NYAP2: variants seen among roughly 807,000 people sequenced by gnomAD.
NYAP2 encodes the protein neuronal tyrosine-phosphorylated phosphoinositide-3-kinase adaptor 2, also known as neuronal tyrosine-phosphorylated phosphoinositide-3-kinase adapter 2.
Under a neutral mutation model 50.4 loss-of-function variants are expected in NYAP2, and 23 were observed. The ratio of observed to expected loss-of-function variants is 0.46; its 90% CI spans 0.33 to 0.65. The LOEUF (loss-of-function observed/expected upper bound fraction) is 0.65. NYAP2 is among the 30% of genes least tolerant of loss of function. The pLI is 0.02. For synonymous variants in NYAP2, 394 were observed against 365.2 expected, an observed-to-expected ratio of 1.08 and a Z score of -0.90; for missense variants, 885 against 861.0, an observed-to-expected ratio of 1.03 and a Z score of -0.35.
chr2:225,698,589 G>C, the NYAP2 span: 1 of 152,198 alleles, frequency 6.6e-6, no homozygotes, highest in Non-Finnish European at 1.5e-5. Context: ...AATATGAAGA[G>C]GGAGGTCGAC....
chr2:225,519,325 G>C (rs1338755127), intron 4 of NYAP2, among the ~76,000 whole-genome samples: 2 of 151,358 alleles, frequency 1.3e-5, no homozygotes, highest in Non-Finnish European at 2.9e-5. Flanking sequence ...ACAATGTGCA[G>C]GTTAGTTACA....
chr2:225,491,710 A>T (rs1690410217), intron 3 of NYAP2, among the ~76,000 whole-genome samples: 1 of 152,170 alleles, frequency 6.6e-6, no homozygotes, highest in Non-Finnish European at 1.5e-5. Flanking sequence ...ATTTCAAGTC[A>T]TGAGAGATGC....
intron 4 of NYAP2, among the ~76,000 whole-genome samples, chr2:225,576,654 C>G (rs886199866): frequency 3.3e-5 from 5 of 152,092 alleles, no homozygotes; most frequent in African/African-American, 4.8e-5. Context: ...AAATATAACT[C>G]TAAAACATGA....
chr2:225,542,745 T>C (rs923522142), intron 4 of NYAP2, among the ~76,000 whole-genome samples: 2 of 152,042 alleles, frequency 1.3e-5, no homozygotes, highest in African/African-American at 4.8e-5. Flanking sequence ...TTTTGATGCA[T>C]CTTTGGTTTG....
At chr2:225,551,899 G>A (rs60332070) in intron 4 of NYAP2, among the ~76,000 whole-genome samples, 4,915 of 152,192 alleles carry the variant, frequency 0.032, 186 homozygotes, top group African/African-American at 0.095. Flanking sequence ...TGCAACCTCC[G>A]CCTCCCGGGT....
At chr2:225,550,412 C>A (rs1691651872) in intron 4 of NYAP2, among the ~76,000 whole-genome samples, 1 of 151,908 alleles carries the variant, frequency 6.6e-6, no homozygotes. Flanking sequence ...AGAGATGAAT[C>A]TATTAGATTT....
At chr2:225,567,055 A>T (rs1428657149) in intron 4 of NYAP2, among the ~76,000 whole-genome samples, 1 of 152,270 alleles carries the variant, frequency 6.6e-6, no homozygotes, top group East Asian at 1.9e-4. Flanking sequence ...CCAAACCCAG[A>T]CGGCATAGCT....
chr2:225,616,080 A>G (rs940092118), intron 5 of NYAP2, among the ~76,000 whole-genome samples: 2 of 152,156 alleles, frequency 1.3e-5, no homozygotes, highest in African/African-American at 2.4e-5. Flanking sequence ...GACTTTTTGC[A>G]TATTCCACTT....
chr2:225,650,356 C>A (rs1353381870), intron 6 of NYAP2, among the ~76,000 whole-genome samples: 1 of 152,188 alleles, frequency 6.6e-6, no homozygotes, highest in Non-Finnish European at 1.5e-5. Flanking sequence ...CACATTCTGG[C>A]TCTCTGGCAC....
chr2:225,533,917 T>G (rs1279645319), intron 4 of NYAP2, among the ~76,000 whole-genome samples: 1 of 152,228 alleles, frequency 6.6e-6, no homozygotes, highest in Admixed American at 6.5e-5. Context: ...AAGCCAGAGT[T>G]ATACAGATCT....
chr2:225,633,822 C>A (rs919818733), intron 6 of NYAP2, among the ~76,000 whole-genome samples: 3 of 152,214 alleles, frequency 2.0e-5, no homozygotes, highest in African/African-American at 7.2e-5. Context: ...AAATGTAATT[C>A]AATTTTTAGA....
At chr2:225,702,892 T>C in the NYAP2 span, 1 of 151,776 alleles carries the variant, frequency 6.6e-6, no homozygotes, top group East Asian at 2.0e-4. Flanking sequence ...TTCCCAAATA[T>C]AACTGGGTTT....
At chr2:225,612,139 C>T (rs2106247934) in intron 5 of NYAP2, among the ~76,000 whole-genome samples, 1 of 147,800 alleles carries the variant, frequency 6.8e-6, no homozygotes, top group African/African-American at 2.5e-5. Flanking sequence ...CTGAAAACTA[C>T]TACAGGCTTC....
At chr2:225,458,076 G>A (rs761184775) in intron 3 of NYAP2, among the ~76,000 whole-genome samples, 36 of 151,728 alleles carry the variant, frequency 2.4e-4, no homozygotes, top group Admixed American at 7.9e-4. Context: ...AAAACGATAC[G>A]CACAGTACAA....
chr2:225,567,786 T>G (rs535446295), intron 4 of NYAP2, among the ~76,000 whole-genome samples: 1 of 151,842 alleles, frequency 6.6e-6, no homozygotes, highest in South Asian at 2.1e-4. Flanking sequence ...TGTGGAACAG[T>G]GGTAGTTTGG....
chr2:225,441,980 C>T (rs1689477523), intron 3 of NYAP2, among the ~76,000 whole-genome samples: 1 of 152,168 alleles, frequency 6.6e-6, no homozygotes, highest in South Asian at 2.1e-4. Context: ...TCATCATCAC[C>T]ATCCTCATTA....
intron 4 of NYAP2, among the ~76,000 whole-genome samples, chr2:225,551,821 T>C (rs150482748): frequency 6.4e-4 from 98 of 152,298 alleles, no homozygotes; most frequent in African/African-American, 2.4e-3. Context: ...TAATTGCTTT[T>C]CTTTTTTTGA....
chr2:225,449,186 T>G (rs1356144872), intron 3 of NYAP2, among the ~76,000 whole-genome samples: 2 of 152,234 alleles, frequency 1.3e-5, no homozygotes, highest in Non-Finnish European at 1.5e-5. Flanking sequence ...TTTCAAAGCT[T>G]CGCAGCATAA....
intron 5 of NYAP2, among the ~76,000 whole-genome samples, chr2:225,599,597 C>A (rs1692662599): frequency 1.3e-5 from 2 of 152,198 alleles, no homozygotes; most frequent in African/African-American, 2.4e-5. Flanking sequence ...CAATGTGAAA[C>A]CCTGACCCTT....
Sources: allele counts gnomAD v4.1 joint callset (sites outside exome capture counted in the v4.1 genomes callset), GRCh38; gene constraint gnomAD v4.1.1; transcripts MANE v1.5; gene names NCBI Gene and HGNC (gene_info 2026-07-23, HGNC 2026-07-21).